SUCNR1: variants seen among roughly 807,000 people sequenced by gnomAD.
SUCNR1 encodes the protein G-protein coupled receptor 91.
SUCNR1 carries 5 observed loss-of-function variants against 2.4 expected under a neutral mutation model. That is an observed-to-expected ratio of 2.07 (90% confidence interval 1.08 to 4.36). The LOEUF (loss-of-function observed/expected upper bound fraction) is 4.36. Among genes scored for constraint, SUCNR1 ranks in the 30% most tolerant of loss-of-function variants. SUCNR1 has a pLI of 0.00. For synonymous variants in SUCNR1, 162 were observed against 143.9 expected (o/e 1.13, Z -0.90); for missense variants, 373 against 399.2 (o/e 0.93, Z 0.56).
chr3:151,881,531 T>G lies in SUCNR1; in HGVS notation c.988T>G (p.Ser330Ala). 1.9e-6 allele frequency: 3 copies of G among 1,597,392 alleles called. No individual in the cohort carries two copies. Among genetic ancestry groups the G allele is most frequent in the Non-Finnish European group, 2.6e-6 (3 of 1,174,422 alleles). ...FSRWAHELLLSFREK is the reference protein window; with the variant it reads ...FSRWAHELLLAFREK ...CAGATGGGCTCATGAACTCCTACTTTCATTCAGAGAAAAGTGAGGGGCTTG... is the reference window on the plus strand; with the variant it reads ...CAGATGGGCTCATGAACTCCTACTTGCATTCAGAGAAAAGTGAGGGGCTTG... Residue 330 changes from serine (S) to alanine (A), a missense_variant, in exon 3 of 3, where the codon TCA becomes GCA. By Grantham distance (99) the Ser-to-Ala change is moderately conservative (BLOSUM62 1). Transcript: ENST00000362032.
rs374093240 is a variant in SUCNR1 at position 151,881,695 on chromosome 3, G to A, written c.*147G>A. ...CCAGAGTATGTGAAAAGAATGGGAC[G>A]ACAAGAATGTACTGGTTTCTTCCTC... On this transcript the variant is annotated 3_prime_UTR_variant, in exon 3 of 3. Transcript: ENST00000362032. 83 of 712,730 alleles carry A rather than the reference G, an allele frequency of 1.2e-4. No homozygotes were observed. In the African/African-American group the frequency reaches 1.3e-3, roughly 11 times the overall value. The allele number at this position is 712,730 out of a possible 1,614,324, so 44.2% of individuals were successfully genotyped here. A position where few individuals can be genotyped will look rare whatever the true frequency, so the allele number is the denominator to read the frequency against.
chr3:151,880,154 A>C (rs1718044796), intron 2 of SUCNR1, among the ~76,000 whole-genome samples: 1 of 152,196 alleles, frequency 6.6e-6, no homozygotes, highest in African/African-American at 2.4e-5. Flanking sequence ...ACCACATATA[A>C]AAATGAGTCA....
intron 1 of SUCNR1, among the ~76,000 whole-genome samples, chr3:151,874,144 ATATTT>A (rs1371934473): frequency 1.9e-4 from 12 of 62,876 alleles, no homozygotes; most frequent in Non-Finnish European, 2.5e-4. Flanking sequence ...ATATATATAT[ATATTT>A]TTTTTTTTTT....
intron 1 of SUCNR1, among the ~76,000 whole-genome samples, chr3:151,877,252 G>T (rs1371674941): frequency 1.3e-5 from 2 of 152,122 alleles, no homozygotes; most frequent in South Asian, 4.1e-4. Flanking sequence ...GGGTGCAGGG[G>T]CCAGATCATG....
chr3:151,880,376 C>A (rs1718050919), intron 2 of SUCNR1, among the ~76,000 whole-genome samples, 183 bp from the exon 3 acceptor site: 1 of 152,024 alleles, frequency 6.6e-6, no homozygotes. Flanking sequence ...GAAAGGTATT[C>A]AAAAAATTTG....
Position 151,884,550 on chromosome 3 carries a change from G to A in SUCNR1, c.*3002G>A, listed in dbSNP as rs894296988. ...GGATTCTGTTACATTCCATCAAAGA[G>A]TATTGATATTTTGTATATACATTTA... On this transcript the variant is annotated 3_prime_UTR_variant, in exon 3 of 3. Coordinates refer to ENST00000362032, the MANE Select transcript of SUCNR1 (RefSeq NM_033050.6). 2 of 152,176 alleles carry A rather than the reference G, an allele frequency of 1.3e-5. No homozygotes were observed. The highest frequency in any genetic ancestry group is 4.8e-5 in the African/African-American group (2 of 41,434). The allele number at this position is 152,176 out of a possible 1,614,324, so 9.4% of individuals were successfully genotyped here.
Position 151,884,043 on chromosome 3 carries a change from A to G in SUCNR1, c.*2495A>G, listed in dbSNP as rs781774535. On this transcript the variant is annotated 3_prime_UTR_variant, in exon 3 of 3. Transcript: ENST00000362032. ...CCTCTCTTCCCCAAACCTAAAAGTA[A>G]AACTTTCTACCACTGGGGCTTCAGA... The G allele has an allele frequency of 1.3e-5, 2 of 152,184 alleles. No individual in the cohort carries two copies. Among genetic ancestry groups the G allele is most frequent in the Admixed American group, 6.5e-5 (1 of 15,276 alleles). 9.4% of individuals were successfully genotyped at this position (152,184 alleles called of 1,614,324 possible).
At chr3:151,874,267 G>A (rs1044488053) in intron 1 of SUCNR1, among the ~76,000 whole-genome samples, 5 of 149,894 alleles carry the variant, frequency 3.3e-5, no homozygotes, top group Non-Finnish European at 5.9e-5. Flanking sequence ...CTCCGCCTCT[G>A]GGGTTCAAGC....
Position 151,882,905 on chromosome 3 carries a change from TC to T in SUCNR1, c.*1359del, listed in dbSNP as rs1468862381. On this transcript the variant is annotated 3_prime_UTR_variant, in exon 3 of 3. Coordinates refer to ENST00000362032, the MANE Select transcript of SUCNR1 (RefSeq NM_033050.6). ...CTATGGCCACATATCTAAGTTCCTT[TC>T]CTTGATGTCATTAGCTATAAGGAGT... is the stretch of plus-strand genomic sequence containing the variant. The T allele has an allele frequency of 6.6e-6, 1 of 152,084 alleles. No homozygotes were observed. The highest frequency in any genetic ancestry group is 1.9e-4 in the East Asian group (1 of 5,194). The allele number at this position is 152,084 out of a possible 1,614,324, so 9.4% of individuals were successfully genotyped here.
Position 151,881,487 on chromosome 3 carries a change from A to G in SUCNR1, c.944A>G (p.Lys315Arg). 6.2e-7 allele frequency: 1 copy of G among 1,613,840 alleles called. No individual in the cohort carries two copies. The highest frequency in any genetic ancestry group is 1.1e-5 in the South Asian group (1 of 91,060). ...ATGAATCAACTGAGACACAACTTCA[A>G]ATCCCTTACATCCTTTAGCAGATGG... ...MLMNQLRHNF[K>R]SLTSFSRWAH... The change falls in exon 3 of 3, where the codon AAA (lysine) becomes AGA (arginine). Residue 315 changes from lysine (K) to arginine (R), a missense_variant. Physicochemically the swap from Lys to Arg is conservative, Grantham distance 26. This residue lies in a region of SUCNR1 where 157 missense variants were observed against 178.7 expected (regional missense o/e 0.88). Coordinates refer to ENST00000362032, the MANE Select transcript of SUCNR1 (RefSeq NM_033050.6).
intron 1 of SUCNR1, among the ~76,000 whole-genome samples, chr3:151,876,726 TATC>T (rs141421158): frequency 0.028 from 4,225 of 152,186 alleles, 194 homozygotes; most frequent in African/African-American, 0.096. Context: ...TTTTAATACT[TATC>T]ATATTATATT....
chr3:151,877,181 C>T (rs1042436114), intron 1 of SUCNR1, among the ~76,000 whole-genome samples: 1 of 152,030 alleles, frequency 6.6e-6, no homozygotes, highest in Admixed American at 6.6e-5. Context: ...TCTGTGCATT[C>T]AAAGAGCAGG....
At chr3:151,874,103 C>T (rs1209730654) in intron 1 of SUCNR1, among the ~76,000 whole-genome samples, 1 of 132,182 alleles carries the variant, frequency 7.6e-6, no homozygotes, top group Admixed American at 8.0e-5. Flanking sequence ...CACACACACA[C>T]ACACACACAC....
Position 151,879,879 on chromosome 3 carries a change from T to G in SUCNR1, c.-14T>G. On this transcript the variant is annotated 5_prime_UTR_variant, in exon 2 of 3. Coordinates refer to ENST00000362032, the MANE Select transcript of SUCNR1 (RefSeq NM_033050.6). ...TATGGTTTAACTCAGCAGAATTTGT[T>G]GAACAACTACGACATGCTGGGGATC... is the stretch of plus-strand genomic sequence containing the variant. 1 of 1,574,408 alleles carries G rather than the reference T, an allele frequency of 6.4e-7. No homozygotes were observed. Among genetic ancestry groups the G allele is most frequent in the Non-Finnish European group, 8.6e-7 (1 of 1,159,580 alleles).
chr3:151,873,949 TTATTA>T (rs1484719205), intron 1 of SUCNR1, among the ~76,000 whole-genome samples: 4 of 151,728 alleles, frequency 2.6e-5, no homozygotes, highest in African/African-American at 9.7e-5. Flanking sequence ...GTAAAAGGAT[TTATTA>T]TATTTGCTAA....
In SUCNR1 at chr3:151,882,495, A is replaced by G. The variant is rs1469423793; in HGVS notation, c.*947A>G. On this transcript the variant is annotated 3_prime_UTR_variant, in exon 3 of 3. Coordinates refer to ENST00000362032, the MANE Select transcript of SUCNR1 (RefSeq NM_033050.6). ...CCAGCAAATAAGGAGAAATAAACTGATAATACTAGATTCATTGGGATAGTT... is the reference window on the plus strand; with the variant it reads ...CCAGCAAATAAGGAGAAATAAACTGGTAATACTAGATTCATTGGGATAGTT... 6.6e-6 allele frequency: 1 copy of G among 152,134 alleles called. No homozygotes were observed. The highest frequency in any genetic ancestry group is 1.5e-5 in the Non-Finnish European group (1 of 67,974). The allele number at this position is 152,134 out of a possible 1,614,324, so 9.4% of individuals were successfully genotyped here.
Position 151,881,008 on chromosome 3 carries a change from A to G in SUCNR1, c.465A>G (p.Leu155=), listed in dbSNP as rs1343311248. 3 of 1,614,146 alleles carry G rather than the reference A, an allele frequency of 1.9e-6. No homozygotes were observed. Among genetic ancestry groups the G allele is most frequent in the Admixed American group, 3.3e-5 (2 of 60,018 alleles). The change falls in exon 3 of 3, where the codon CTA becomes CTG. Residue 155 remains leucine (L), a synonymous_variant. Transcript: ENST00000362032. The part of the protein sequence containing the change: ...AIWVLVTLEL[L]PILPLINPVI... ...GGGTTTTAGTAACCTTAGAGTTACTACCCATACTTCCCCTTATAAATCCTG... is the reference window on the plus strand; with the variant it reads ...GGGTTTTAGTAACCTTAGAGTTACTGCCCATACTTCCCCTTATAAATCCTG...
In SUCNR1 at chr3:151,873,723, A is replaced by G. The variant is rs566054753; in HGVS notation, c.-42+17A>G. On this transcript the variant is annotated intron_variant, in intron 1 of 2. Coordinates refer to ENST00000362032, the MANE Select transcript of SUCNR1 (RefSeq NM_033050.6). ...AACAGAATGGTAAGCTACATGGCAA[A>G]TTGTGCCTCTCAGTGTATAAAGTAA... 14 of 152,714 alleles carry G rather than the reference A, an allele frequency of 9.2e-5. No homozygotes were observed. The highest frequency in any genetic ancestry group is 3.4e-4 in the African/African-American group (14 of 41,580). The allele number at this position is 152,714 out of a possible 1,614,324, so 9.5% of individuals were successfully genotyped here. A position where few individuals can be genotyped will look rare whatever the true frequency, so the allele number is the denominator to read the frequency against.
At position 151,880,815 on chromosome 3, in the gene SUCNR1, G is replaced by A; in HGVS notation, c.272G>A (p.Gly91Glu). The A allele has an allele frequency of 6.2e-7, 1 of 1,614,112 alleles. No individual in the cohort carries two copies. The highest frequency in any genetic ancestry group is 1.1e-5 in the South Asian group (1 of 91,082). The change falls in exon 3 of 3, where the codon GGA becomes GAA. Residue 91 changes from glycine to glutamate, a missense_variant. This residue lies in a region of SUCNR1 where 184 missense variants were observed against 162.2 expected (regional missense o/e 1.13). Transcript: ENST00000362032. ...RSYANGNWIY[G>E]DVLCISNRYV... ...TATGCCAATGGAAACTGGATATATG[G>A]AGACGTGCTCTGCATAAGCAACCGA...
Sources: gnomAD v4.1 joint callset for allele counts (sites outside exome capture counted in the v4.1 genomes callset) on GRCh38, gnomAD v4.1.1 for gene constraint, gnomAD v4.1.1 regional missense constraint, MANE v1.5 for transcripts, NCBI Gene and HGNC (gene_info 2026-07-23, HGNC 2026-07-21) for gene names.